Variants in ADGRF3 observed in about 807,000 individuals in gnomAD.
ADGRF3 encodes the protein adhesion G protein-coupled receptor F3.
In ADGRF3, 85 loss-of-function variants were observed where a neutral mutation model predicts 93.2. The ratio of observed to expected loss-of-function variants is 0.91; its 90% confidence interval spans 0.77 to 1.09. ADGRF3 has a LOEUF of 1.09. ADGRF3 is among the 50% of genes least tolerant of loss of function. The pLI is 0.00. For synonymous variants in ADGRF3, 534 were observed against 532.5 expected (o/e 1.00, Z -0.04); for missense variants, 1,125 against 1,246.2 (o/e 0.90, Z 1.46).
intron 1 of ADGRF3, among the ~76,000 whole-genome samples, chr2:26,331,179 G>A (rs950127897): frequency 2.6e-5 from 4 of 152,104 alleles, no homozygotes; most frequent in Non-Finnish European, 4.4e-5. Context: ...TCATCTTTAT[G>A]ATTATCAATC....
At chr2:26,319,548 T>TC (rs1674989004) in intron 1 of ADGRF3, among the ~76,000 whole-genome samples, 1 of 21,024 alleles carries the variant, frequency 4.8e-5, no homozygotes, top group Non-Finnish European at 1.3e-4. Flanking sequence ...CTTCTTTCTC[T>TC]CCCTCCCTCC....
rs1306018692 is a variant in ADGRF3, at chr2:26,313,494, T to C, written c.1152A>G (p.Pro384=). ...CTATGCCCCTCTTGCTCTCAGGACA[T>C]GGGGCCTGTGCCACGTGGCCAGCCT... is the stretch of plus-strand genomic sequence containing the variant. The part of the protein sequence containing the change: ...VTKAGHVAQA[P]CPESKRGIVR... The change falls in exon 8 of 14, where the codon CCA becomes CCG. Residue 384 remains proline, a synonymous_variant. Transcript: ENST00000651242. 6.2e-7 allele frequency: 1 copy of C among 1,611,940 alleles called. No homozygotes were observed. Among genetic ancestry groups the C allele is most frequent in the African/African-American group, 1.3e-5 (1 of 74,902 alleles).
chr2:26,331,427 G>T (rs1049303350), intron 1 of ADGRF3, among the ~76,000 whole-genome samples: 3 of 152,204 alleles, frequency 2.0e-5, no homozygotes, highest in Non-Finnish European at 2.9e-5. Context: ...GCACGCACCT[G>T]TAATCCCAGC....
rs1169852661 is a variant in ADGRF3, at chr2:26,310,709, T to A, written c.2815A>T (p.Ile939Phe). 6.2e-7 allele frequency: 1 copy of A among 1,611,970 alleles called. No individual in the cohort carries two copies. The highest frequency in any genetic ancestry group is 1.7e-5 in the Admixed American group (1 of 59,634). ...TCACCTACCTGGAGGGTGTTGAGAA[T>A]GGTGAAGATGTAATGAGGGACCGTG... ...VSTVPHYIFT[I>F]LNTLQGVFIL... is the part of the protein sequence containing the mutation. Residue 939 changes from isoleucine (I) to phenylalanine (F), a missense_variant, in exon 10 of 14, where the codon ATT becomes TTT. Physicochemically the swap from Ile to Phe is conservative, Grantham distance 21. Coordinates refer to ENST00000651242, the MANE Select transcript of ADGRF3 (RefSeq NM_001321971.2).
intron 1 of ADGRF3, among the ~76,000 whole-genome samples, chr2:26,318,350 T>C (rs1674890297): frequency 1.3e-5 from 2 of 152,136 alleles, no homozygotes; most frequent in Admixed American, 6.5e-5. Context: ...TCCCAGTTAC[T>C]TGGGAGGCTG....
In ADGRF3 at chr2:26,311,348, GCCAGTACA is replaced by G; in HGVS notation, c.2168_2175del (p.Val723AlafsTer258). The G allele has an allele frequency of 6.2e-7, 1 of 1,614,036 alleles. No homozygotes were observed. The highest frequency in any genetic ancestry group is 1.1e-5 in the South Asian group (1 of 91,082). On this transcript the variant is annotated frameshift_variant, in exon 10 of 14. Transcript: ENST00000651242. LOFTEE classifies it high-confidence loss of function. Reference sequence around the variant, plus strand: ...TTCCGCACCACGACTCTCCACACCAGCCAGTACACACCCAGGCACACAAGCAGCGCCAG... The same window carrying G: ...TTCCGCACCACGACTCTCCACACCAGCACCCAGGCACACAAGCAGCGCCAG...
intron 1 of ADGRF3, among the ~76,000 whole-genome samples, chr2:26,326,544 C>T (rs369013223): frequency 6.6e-6 from 1 of 152,068 alleles, no homozygotes; most frequent in African/African-American, 2.4e-5. Flanking sequence ...AACTGAAAAA[C>T]TTCATTTAAT....
chr2:26,310,325 T>C (rs1673960321), intron 10 of ADGRF3, 88 bp from the exon 11 acceptor site: 1 of 1,417,626 alleles, frequency 7.1e-7, no homozygotes, highest in African/African-American at 1.4e-5. Context: ...GTAATTCACA[T>C]CCTAAGGCTT....
chr2:26,317,138 C>T, intron 2 of ADGRF3, 83 bp from the exon 3 acceptor site: 3 of 1,436,474 alleles, frequency 2.1e-6, no homozygotes, highest in Non-Finnish European at 9.4e-7. Flanking sequence ...ACCTAGCTGG[C>T]CAGTCCCAGG....
intron 1 of ADGRF3, among the ~76,000 whole-genome samples, chr2:26,340,916 CA>C (rs994387435): frequency 1.3e-4 from 19 of 147,516 alleles, no homozygotes; most frequent in East Asian, 2.0e-4. Flanking sequence ...CACTTGCCTT[CA>C]AAAAAAAAAG....
intron 1 of ADGRF3, 108 bp downstream of exon 1, chr2:26,346,013 C>T: frequency 1.7e-6 from 2 of 1,192,336 alleles, no homozygotes; most frequent in East Asian, 5.1e-5. Context: ...GCTAGCAACC[C>T]CCCCTCGATG....
At chr2:26,336,545 G>A (rs746001692) in intron 1 of ADGRF3, among the ~76,000 whole-genome samples, 35 of 151,776 alleles carry the variant, frequency 2.3e-4, no homozygotes, top group Non-Finnish European at 4.1e-4. Flanking sequence ...GGCCAACATG[G>A]CAAAACCCTG....
intron 1 of ADGRF3, among the ~76,000 whole-genome samples, chr2:26,341,844 C>T (rs558602679): frequency 1.1e-4 from 16 of 152,076 alleles, no homozygotes; most frequent in Non-Finnish European, 1.3e-4. Flanking sequence ...GAGGCTGAGG[C>T]GGGCAGATCA....
rs750982488 is a variant in ADGRF3 at position 26,313,570 on chromosome 2, C to T, written c.1076G>A (p.Gly359Glu). 11 of 1,604,064 alleles carry T rather than the reference C, an allele frequency of 6.9e-6. No homozygotes were observed. The highest frequency in any genetic ancestry group is 1.7e-4 in the Middle Eastern group (1 of 6,026). Reference protein sequence around the residue: ...VPISITIIQDGDITCPEDASV... With the variant: ...VPISITIIQDEDITCPEDASV... ...GGCGTCCTCAGGGCAGGTGATGTCT[C>T]CATCTGAAGAATGACGAGCAGGCGC... The change falls in exon 8 of 14, where the codon GGA becomes GAA. Residue 359 changes from glycine (G) to glutamate (E), a missense_variant. Transcript: ENST00000651242.
intron 1 of ADGRF3, among the ~76,000 whole-genome samples, chr2:26,324,261 A>G (rs1000338471): frequency 6.6e-6 from 1 of 152,184 alleles, no homozygotes; most frequent in African/African-American, 2.4e-5. Flanking sequence ...AAAAGAAAAA[A>G]GAAAAGAAAG....
In ADGRF3 at chr2:26,336,315, A is replaced by AGT. The variant is rs71399385; in HGVS notation, c.114+9804_114+9805dup. ...AATCCTGCATTCTGGGGAGATCAAG[A>AGT]GTGTGTGTGTGTGTGTGTGTGAGTG... On this transcript the variant is annotated intron_variant, in intron 1 of 13. Coordinates refer to ENST00000651242, the MANE Select transcript of ADGRF3 (RefSeq NM_001321971.2). Among the ~76,000 whole-genome samples, 670 of 148,660 alleles carry AGT rather than the reference A, an allele frequency of 4.5e-3. 6 individuals carry two copies. The highest frequency in any genetic ancestry group is 0.022 in the East Asian group (115 of 5,118).
At chr2:26,342,406 T>G (rs72852714) in intron 1 of ADGRF3, among the ~76,000 whole-genome samples, 176 of 152,288 alleles carry the variant, frequency 1.2e-3, no homozygotes, top group African/African-American at 4.0e-3. Context: ...TTTTTATGGC[T>G]TCAGTAACTT....
At chr2:26,310,636 CA>C in intron 10 of ADGRF3, 55 bp downstream of exon 10, 1 of 1,522,826 alleles carries the variant, frequency 6.6e-7, no homozygotes, top group Admixed American at 2.0e-5. Context: ...AAGAGATCGG[CA>C]GTGACTTAGA....
intron 1 of ADGRF3, among the ~76,000 whole-genome samples, chr2:26,329,884 A>C (rs1173254407): frequency 6.6e-6 from 1 of 152,176 alleles, no homozygotes; most frequent in Non-Finnish European, 1.5e-5. Context: ...TCTTTTTTAG[A>C]TAATTCCAAC....
Sources: allele counts gnomAD v4.1 joint callset (sites outside exome capture counted in the v4.1 genomes callset), GRCh38; gene constraint gnomAD v4.1.1; transcripts MANE v1.5; gene names NCBI Gene and HGNC (gene_info 2026-07-23, HGNC 2026-07-21).